THSD7A: variants seen among roughly 807,000 people sequenced by gnomAD.
THSD7A encodes thrombospondin type 1 domain containing 7A, also known as thrombospondin type-1 domain-containing protein 7A.
A neutral mutation model predicts 231.3 loss-of-function variants in THSD7A; 96 were observed. That is an observed-to-expected ratio of 0.41 (90% CI 0.35 to 0.49). THSD7A has a LOEUF of 0.49. THSD7A is among the 20% of genes least tolerant of loss of function. The pLI is 0.05. For synonymous variants in THSD7A, 940 were observed against 743.3 expected, an observed-to-expected ratio of 1.26 and a Z score of -4.30; for missense variants, 2,290 against 2,070.2, an observed-to-expected ratio of 1.11 and a Z score of -2.06.
Position 11,376,670 on chromosome 7 carries a change from G to T in THSD7A, c.4802-13C>A. The stretch of plus-strand genomic sequence containing the variant: ...TTTAGTCTCCCATCTAAGAAGAATG[G>T]ATATTAGTTATTAATTTACATTAGT... On this transcript the variant is annotated splice_polypyrimidine_tract_variant and intron_variant, in intron 26 of 27. Coordinates refer to ENST00000423059, the MANE Select transcript of THSD7A (RefSeq NM_015204.3). 1 of 1,544,558 alleles carries T rather than the reference G, an allele frequency of 6.5e-7. No individual in the cohort carries two copies. Among genetic ancestry groups the T allele is most frequent in the Non-Finnish European group, 8.8e-7 (1 of 1,137,122 alleles).
chr7:11,761,307 T>C (rs1562535607), intron 1 of THSD7A, among the ~76,000 whole-genome samples: 1 of 152,102 alleles, frequency 6.6e-6, no homozygotes, highest in Admixed American at 6.6e-5. Flanking sequence ...CAACATCTGT[T>C]AACTGAAGGT....
chr7:11,508,168 C>T (rs1486526131), intron 6 of THSD7A, among the ~76,000 whole-genome samples: 3 of 152,040 alleles, frequency 2.0e-5, no homozygotes, highest in African/African-American at 7.2e-5. Context: ...CTCCCTGGAC[C>T]CCTGGAGATT....
chr7:11,538,851 G>A (rs1406579800), intron 6 of THSD7A, among the ~76,000 whole-genome samples: 2 of 152,092 alleles, frequency 1.3e-5, no homozygotes, highest in African/African-American at 4.8e-5. Flanking sequence ...ATGGAAAAAT[G>A]AACAGCAGCA....
Position 11,637,116 on chromosome 7 carries a change from C to T in THSD7A, c.191-155G>A, listed in dbSNP as rs537335264. On this transcript the variant is annotated intron_variant, in intron 1 of 27. Transcript: ENST00000423059. The surrounding 1 kb of genome is among the most constrained non-coding windows in gnomAD (Gnocchi z 4.2). Reference sequence around the variant, plus strand: ...ACACGACTGTTGGAAAGTAATGATCCTCGCTAAGTATTTTTGCAAAAGGGG... The same window carrying T: ...ACACGACTGTTGGAAAGTAATGATCTTCGCTAAGTATTTTTGCAAAAGGGG... Among the ~76,000 whole-genome samples, 22 of 152,248 alleles carry T rather than the reference C, an allele frequency of 1.4e-4. No individual in the cohort carries two copies. Among genetic ancestry groups the T allele is most frequent in the African/African-American group, 5.1e-4 (21 of 41,542 alleles).
chr7:11,809,856 A>G (rs1029265200), intron 1 of THSD7A, among the ~76,000 whole-genome samples: 1 of 152,272 alleles, frequency 6.6e-6, no homozygotes. Flanking sequence ...GGCTCAAGAT[A>G]AATAGAGCTG....
intron 2 of THSD7A, among the ~76,000 whole-genome samples, chr7:11,602,113 T>C (rs1244006435): frequency 6.6e-6 from 1 of 152,194 alleles, no homozygotes; most frequent in Non-Finnish European, 1.5e-5. Context: ...ACTTTGCAAA[T>C]GTGCTGCTTG....
At position 11,749,748 on chromosome 7, in the gene THSD7A, A is replaced by T. The variant is rs570672129; in HGVS notation, c.190+82009T>A. Among the ~76,000 whole-genome samples, 156 of 152,100 alleles carry T rather than the reference A, an allele frequency of 1.0e-3. 1 individual carries two copies. The South Asian group carries it at 0.032, about 31-fold the overall frequency. On this transcript the variant is annotated intron_variant, in intron 1 of 27. Transcript: ENST00000423059. The stretch of plus-strand genomic sequence containing the variant: ...ATGGCAAAGGTGTAACACAGATAGA[A>T]TTATATTGCCAATCACAATGTAAAT...
chr7:11,478,614 G>A (rs1029418589), intron 7 of THSD7A, among the ~76,000 whole-genome samples: 7 of 152,118 alleles, frequency 4.6e-5, no homozygotes, highest in Non-Finnish European at 1.0e-4. Context: ...AAAGCAAAAG[G>A]AAAAGCAAAA....
chr7:11,426,577 A>G (rs1054452028), intron 15 of THSD7A, 89 bp downstream of exon 15: 5 of 1,360,604 alleles, frequency 3.7e-6, no homozygotes, highest in Non-Finnish European at 4.9e-6. Flanking sequence ...CATAAAAGAC[A>G]AAGCAAGAAG....
At chr7:11,404,944 C>T (rs528928332) in intron 22 of THSD7A, among the ~76,000 whole-genome samples, 8 of 152,096 alleles carry the variant, frequency 5.3e-5, no homozygotes, top group African/African-American at 1.9e-4. Context: ...AGCTGCTATT[C>T]AGATTTTTGG....
In THSD7A at chr7:11,711,636, C is replaced by T. The variant is rs1339174685; in HGVS notation, c.191-74675G>A. Among the ~76,000 whole-genome samples the T allele has an allele frequency of 4.6e-5, 7 of 151,030 alleles. No individual in the cohort carries two copies. The Admixed American group carries it at 4.6e-4, about 10-fold the overall frequency. On this transcript the variant is annotated intron_variant, in intron 1 of 27. Transcript: ENST00000423059. The stretch of plus-strand genomic sequence containing the variant: ...TATAACACTTGGTACAATTTAGGTA[C>T]TAAGCATGGCAATGTTTTCTCTAGG...
intron 1 of THSD7A, among the ~76,000 whole-genome samples, chr7:11,699,562 G>A (rs564466342): frequency 6.6e-6 from 1 of 151,352 alleles, no homozygotes; most frequent in East Asian, 2.0e-4. Flanking sequence ...AGTAAAACAA[G>A]CATAATGCAG....
rs56353626 is a variant in THSD7A, at chr7:11,484,874, A to ATTTTTTTTTTTTTTTTTTTT, written c.1823-2912_1823-2893dup. On this transcript the variant is annotated intron_variant, in intron 6 of 27. Coordinates refer to ENST00000423059, the MANE Select transcript of THSD7A (RefSeq NM_015204.3). ...CTCAACCCACTGAATCACAACCTTA[A>ATTTTTTTTTTTTTTTTTTTT]TTTTTTTTTTTTTTTTTTTTTTTTT... Among the ~76,000 whole-genome samples, 28 of 53,810 alleles carry ATTTTTTTTTTTTTTTTTTTT rather than the reference A, an allele frequency of 5.2e-4. 4 individuals carry two copies. Among genetic ancestry groups the ATTTTTTTTTTTTTTTTTTTT allele is most frequent in the South Asian group, 1.1e-3 (1 of 870 alleles). The allele number at this position is 53,810 out of a possible 152,430, so 35.3% of individuals were successfully genotyped here.
intron 1 of THSD7A, among the ~76,000 whole-genome samples, chr7:11,650,494 C>G (rs375569759): frequency 1.6e-4 from 24 of 152,132 alleles, no homozygotes; most frequent in African/African-American, 5.5e-4. Flanking sequence ...AAACACTATC[C>G]ACTTGCTTCT....
intron 4 of THSD7A, among the ~76,000 whole-genome samples, chr7:11,563,340 G>A (rs1340010466): frequency 1.2e-4 from 18 of 152,004 alleles, no homozygotes; most frequent in African/African-American, 4.1e-4. Flanking sequence ...TTTTAGCTAC[G>A]ATAACTCATT....
rs763703120 is a variant in THSD7A, at chr7:11,382,558, T to C, written c.4470A>G (p.Thr1490=). Residue 1490 remains threonine (T), a synonymous_variant, in exon 24 of 28, where the codon ACA becomes ACG. Coordinates refer to ENST00000423059, the MANE Select transcript of THSD7A (RefSeq NM_015204.3). The stretch of plus-strand genomic sequence containing the variant: ...TACCATCTGACCTTTGACACCACAC[T>C]GTTCGGGAAGAGCCCTTCCAAGCAC... The part of the protein sequence containing the change: ...MASAWKGSSR[T]VWCQRSDGIN... 6.2e-7 allele frequency: 1 copy of C among 1,612,990 alleles called. No homozygotes were observed. The highest frequency in any genetic ancestry group is 2.2e-5 in the East Asian group (1 of 44,842).
chr7:11,386,835 C>T lies in THSD7A; in HGVS notation c.4412-4219G>A, dbSNP rs146750680. Among the ~76,000 whole-genome samples the T allele has an allele frequency of 2.7e-3, 409 of 152,112 alleles. 2 individuals carry two copies. The highest frequency in any genetic ancestry group is 8.6e-3 in the African/African-American group (359 of 41,522). On this transcript the variant is annotated intron_variant, in intron 23 of 27. Transcript: ENST00000423059. ...CCTAGGTTTTCTTCTACGGTTTTTA[C>T]GGTTTTAGGTCTTGGGTTTACGTCT...
rs987902294 is a variant in THSD7A, at chr7:11,814,740, G to C, written c.190+17017C>G. 6.6e-6 allele frequency among the ~76,000 whole-genome samples: 1 copy of C among 152,112 alleles called. No individual in the cohort carries two copies. Among genetic ancestry groups the C allele is most frequent in the Non-Finnish European group, 1.5e-5 (1 of 68,012 alleles). ...GAAATGTATCTTAGCAGCAGTCAAA[G>C]CTCTCCTTATGAATTATTTGATTTC... On this transcript the variant is annotated intron_variant, in intron 1 of 27. Coordinates refer to ENST00000423059, the MANE Select transcript of THSD7A (RefSeq NM_015204.3). The surrounding 1 kb of genome is among the most constrained non-coding windows in gnomAD (Gnocchi z 5.1).
intron 1 of THSD7A, among the ~76,000 whole-genome samples, chr7:11,648,399 C>T (rs982470948): frequency 6.6e-6 from 1 of 151,944 alleles, no homozygotes; most frequent in East Asian, 1.9e-4. Flanking sequence ...GAAGTAGGTG[C>T]CATGGGAGTC....
Sources: allele counts gnomAD v4.1 joint callset (sites outside exome capture counted in the v4.1 genomes callset), GRCh38; gene constraint gnomAD v4.1.1; non-coding constraint Gnocchi (gnomAD v3.1); transcripts MANE v1.5; gene names NCBI Gene and HGNC (gene_info 2026-07-23, HGNC 2026-07-21).